Variants in SEPSECS observed in about 807,000 individuals in gnomAD.
SEPSECS encodes the protein Sep (O-phosphoserine) tRNA:Sec (selenocysteine) tRNA synthase, also known as O-phosphoseryl-tRNA(Sec) selenium transferase.
A neutral mutation model predicts 52.1 loss-of-function variants in SEPSECS; 42 were observed. The observed-to-expected ratio is 0.81, with a 90% confidence interval of 0.63 to 1.04. The LOEUF is 1.04. Among genes scored for constraint, SEPSECS ranks in the 50% least tolerant of loss-of-function variants. SEPSECS has a pLI of 0.00. For synonymous variants in SEPSECS, 216 were observed against 211.4 expected (o/e 1.02, Z -0.19); for missense variants, 590 against 610.6 (o/e 0.97, Z 0.36).
chr4:25,147,584 C>T (rs1712039406), intron 6 of SEPSECS, among the ~76,000 whole-genome samples: 1 of 152,158 alleles, frequency 6.6e-6, no homozygotes, highest in Non-Finnish European at 1.5e-5. Flanking sequence ...ATATCCCTCT[C>T]CATTAATCTA....
chr4:25,151,817 C>T (rs938165347), intron 6 of SEPSECS, 143 bp downstream of exon 6: 2 of 640,902 alleles, frequency 3.1e-6, no homozygotes, highest in African/African-American at 3.7e-5. Flanking sequence ...GAGAGATTAT[C>T]AGATGTAAGT....
intron 8 of SEPSECS, among the ~76,000 whole-genome samples, chr4:25,132,823 C>T (rs1201221464): frequency 6.6e-6 from 1 of 152,104 alleles, no homozygotes; most frequent in Non-Finnish European, 1.5e-5. Flanking sequence ...GTGATCACTC[C>T]CTCAACAACG....
chr4:25,128,756 T>C (rs915563160), intron 8 of SEPSECS, among the ~76,000 whole-genome samples: 4 of 151,756 alleles, frequency 2.6e-5, no homozygotes, highest in Admixed American at 6.6e-5. Flanking sequence ...AAAAAACATA[T>C]AAACTCTAAG....
chr4:25,134,070 A>C (rs1471842843), intron 8 of SEPSECS, among the ~76,000 whole-genome samples: 2 of 138,062 alleles, frequency 1.4e-5, no homozygotes, highest in African/African-American at 5.4e-5. Flanking sequence ...GGCTGCAGTG[A>C]GCCATGATCA....
intron 8 of SEPSECS, among the ~76,000 whole-genome samples, chr4:25,130,300 G>A (rs1728559965): frequency 6.6e-6 from 1 of 152,170 alleles, no homozygotes; most frequent in Non-Finnish European, 1.5e-5. Context: ...TCTGAAAAAA[G>A]AGAAAATGTT....
Position 25,127,319 on chromosome 4 carries a change from C to T in SEPSECS, c.1065G>A (p.Leu355=). ...ACAGTCTTTCATTGTAGGCTTCTGA[C>T]AACTTCTTTATTTGGTTGGACAAAT... ...FSYLSNQIKK[L]SEAYNERLLH... Residue 355 remains leucine, a synonymous_variant, in exon 9 of 11, where the codon TTG becomes TTA. Coordinates refer to ENST00000382103, the MANE Select transcript of SEPSECS (RefSeq NM_016955.4). The T allele has an allele frequency of 6.2e-7, 1 of 1,613,266 alleles. No homozygotes were observed. Among genetic ancestry groups the T allele is most frequent in the South Asian group, 1.1e-5 (1 of 91,076 alleles).
intron 8 of SEPSECS, among the ~76,000 whole-genome samples, chr4:25,130,768 T>C (rs2109492510): frequency 6.6e-6 from 1 of 152,314 alleles, no homozygotes; most frequent in Non-Finnish European, 1.5e-5. Context: ...TAGGAGACTA[T>C]ACCACTATCC....
rs1024095849 is a variant in SEPSECS at position 25,152,871 on chromosome 4, T to C, written c.702-809A>G. The stretch of plus-strand genomic sequence containing the variant: ...ATGTTTTAGTAAAATTATTAAAAGT[T>C]TTCTTTCTAAAGTATAAAGAATTTG... On this transcript the variant is annotated intron_variant, in intron 5 of 10. Coordinates refer to ENST00000382103, the MANE Select transcript of SEPSECS (RefSeq NM_016955.4). Among the ~76,000 whole-genome samples, 7 of 151,970 alleles carry C rather than the reference T, an allele frequency of 4.6e-5. No individual in the cohort carries two copies. The South Asian group carries it at 1.0e-3, about 22-fold the overall frequency.
At chr4:25,144,705 GA>G in intron 8 of SEPSECS, 68 bp downstream of exon 8, 2 of 1,143,292 alleles carry the variant, frequency 1.7e-6, no homozygotes, top group Non-Finnish European at 2.7e-6. Context: ...CCAACAGGCA[GA>G]AAACACCAAT....
At position 25,120,557 on chromosome 4, in the gene SEPSECS, T is replaced by G. The variant is rs1221134104; in HGVS notation, c.*3374A>C. The G allele has an allele frequency of 6.6e-6, 1 of 152,184 alleles. No individual in the cohort carries two copies. The highest frequency in any genetic ancestry group is 2.4e-5 in the African/African-American group (1 of 41,456). 9.4% of individuals were successfully genotyped at this position (152,184 alleles called of 1,614,324 possible). A position where few individuals can be genotyped will look rare whatever the true frequency, so the allele number is the denominator to read the frequency against. ...CAAATTATTCAGGTTGTGAGACTTC[T>G]AAAATGACCAAATTTCTGTGTATGC... On this transcript the variant is annotated 3_prime_UTR_variant, in exon 11 of 11. Coordinates refer to ENST00000382103, the MANE Select transcript of SEPSECS (RefSeq NM_016955.4).
intron 5 of SEPSECS, among the ~76,000 whole-genome samples, chr4:25,153,888 G>A (rs1179970072): frequency 2.6e-5 from 4 of 151,960 alleles, no homozygotes; most frequent in Non-Finnish European, 4.4e-5. Flanking sequence ...ACTGTGCCAG[G>A]CATACTGTAA....
Position 25,153,899 on chromosome 4 carries a change from AC to A in SEPSECS, c.701+1098del, listed in dbSNP as rs1712464959. On this transcript the variant is annotated intron_variant, in intron 5 of 10. Coordinates refer to ENST00000382103, the MANE Select transcript of SEPSECS (RefSeq NM_016955.4). ...TAACACTGTGCCAGGCATACTGTAA[AC>A]ATTCAAAAGACGTTAGTCAAAATGA... Among the ~76,000 whole-genome samples the A allele has an allele frequency of 9.9e-5, 15 of 152,116 alleles. 1 individual carries two copies. The highest frequency in any genetic ancestry group is 9.8e-4 in the Admixed American group (15 of 15,272).
chr4:25,159,960 TA>T, intron 1 of SEPSECS: 2 of 985,286 alleles, frequency 2.0e-6, no homozygotes, highest in Non-Finnish European at 2.4e-6. Flanking sequence ...TTTCCGCGAA[TA>T]AAAAAGTACA....
In SEPSECS at chr4:25,155,104, G is replaced by A. The variant is rs753799069; in HGVS notation, c.595C>T (p.Arg199Cys). The change falls in exon 5 of 11, where the codon CGT (arginine) becomes TGT (cysteine). Residue 199 changes from arginine to cysteine, a missense_variant. Arg to Cys is a radical substitution (Grantham distance 180). Coordinates refer to ENST00000382103, the MANE Select transcript of SEPSECS (RefSeq NM_016955.4). The stretch of plus-strand genomic sequence containing the variant: ...GCCTCCACTGCTTTCAGGTCTGTAC[G>A]CAGCTCGTCACCTTCCAAAACATTT... Reference protein sequence around the residue: ...IENVLEGDELRTDLKAVEAKV... With the variant: ...IENVLEGDELCTDLKAVEAKV... 23 of 1,613,978 alleles carry A rather than the reference G, an allele frequency of 1.4e-5. No individual in the cohort carries two copies. The highest frequency in any genetic ancestry group is 6.7e-5 in the East Asian group (3 of 44,888).
intron 8 of SEPSECS, among the ~76,000 whole-genome samples, chr4:25,137,523 C>T (rs1247077702): frequency 1.3e-5 from 2 of 152,164 alleles, no homozygotes; most frequent in South Asian, 2.1e-4. Flanking sequence ...GAGATACCAT[C>T]TCATGCCAGT....
chr4:25,160,006 A>T, intron 1 of SEPSECS: 4 of 985,418 alleles, frequency 4.1e-6, no homozygotes, highest in Non-Finnish European at 4.8e-6. Context: ...TCCCGAAGTT[A>T]GAAACAGCGG....
chr4:25,125,478 A>T, intron 10 of SEPSECS: 1 of 560,876 alleles, frequency 1.8e-6, no homozygotes, highest in Non-Finnish European at 3.2e-6. Context: ...AAAACAAACA[A>T]GATTCATGTC....
At chr4:25,159,988 C>T in intron 1 of SEPSECS, 1 of 985,418 alleles carries the variant, frequency 1.0e-6, no homozygotes, top group Non-Finnish European at 1.2e-6. Flanking sequence ...CTTTCCCTCA[C>T]TTCCGCATCC....
At chr4:25,145,857 G>A (rs904077175) in intron 6 of SEPSECS, among the ~76,000 whole-genome samples, 3 of 152,112 alleles carry the variant, frequency 2.0e-5, no homozygotes, top group South Asian at 2.1e-4. Flanking sequence ...CAAATGCAAA[G>A]TTTTACTTTT....
Sources: allele counts gnomAD v4.1 joint callset (sites outside exome capture counted in the v4.1 genomes callset), GRCh38; gene constraint gnomAD v4.1.1; transcripts MANE v1.5; gene names NCBI Gene and HGNC (gene_info 2026-07-23, HGNC 2026-07-21).